Variants in ACLY observed in about 807,000 individuals in gnomAD.
ACLY encodes ATP citrate lyase.
Under a neutral mutation model 133.0 loss-of-function variants are expected in ACLY, and 41 were observed. That is an observed-to-expected ratio of 0.31 (90% confidence interval 0.24 to 0.40). ACLY has a LOEUF of 0.40. ACLY is among the 10% of genes least tolerant of loss of function. The pLI, the probability that ACLY is intolerant of heterozygous loss-of-function variation, is 1.00. For missense variants in ACLY, 1,046 were observed against 1,453.8 expected (o/e 0.72, Z 4.56); for synonymous variants, 495 against 549.3 (o/e 0.90, Z 1.38).
In ACLY at chr17:41,878,216, A is replaced by G; in HGVS notation, c.2394-20T>C. 2 of 1,529,946 alleles carry G rather than the reference A, an allele frequency of 1.3e-6. No individual in the cohort carries two copies. The highest frequency in any genetic ancestry group is 2.1e-5 in the Admixed American group (1 of 47,692). The allele number at this position is 1,529,946 out of a possible 1,614,324, so 94.8% of individuals were successfully genotyped here. On this transcript the variant is annotated intron_variant, in intron 21 of 28. Coordinates refer to ENST00000352035, the MANE Select transcript of ACLY (RefSeq NM_001096.3). ...ACAGACCTGGGAGGCAGGAAAAAAAAGACATCCATGTGGATTTTCTTATTT... is the reference window on the plus strand; with the variant it reads ...ACAGACCTGGGAGGCAGGAAAAAAAGGACATCCATGTGGATTTTCTTATTT...
chr17:41,873,175 C>CT (rs529319940), intron 23 of ACLY, among the ~76,000 whole-genome samples: 3,236 of 134,336 alleles, frequency 0.024, 49 homozygotes, highest in Non-Finnish European at 0.032. Context: ...ACACAAGGTA[C>CT]TTTTTTTTTT....
At chr17:41,886,351 A>C (rs1329056068) in intron 17 of ACLY, 43 bp from the exon 18 acceptor site, 2 of 1,545,076 alleles carry the variant, frequency 1.3e-6, no homozygotes, top group Non-Finnish European at 1.8e-6. Context: ...GGTGACTTCC[A>C]GATTCACCAC....
At chr17:41,889,181 T>C (rs1016896029) in intron 16 of ACLY, among the ~76,000 whole-genome samples, 2 of 152,068 alleles carry the variant, frequency 1.3e-5, no homozygotes, top group African/African-American at 4.8e-5. Context: ...GGTGATGTGC[T>C]AGGTTTTGCC....
At position 41,924,144 on chromosome 17, in the gene ACLY, TTTTA is replaced by T. The variant is rs527709107; in HGVS notation, c.-28+6210_-28+6213del. On this transcript the variant is annotated intron_variant, in intron 1 of 3. Transcript: ENST00000592970. ...ATTTTTTTCTTTTTATTTATTTATT[TTTTA>T]TTTATTTATTTTTTGAGACTGAGTC... 3.5e-3 allele frequency among the ~76,000 whole-genome samples: 521 copies of T among 150,088 alleles called. 6 individuals are homozygous for T. Among genetic ancestry groups the T allele is most frequent in the African/African-American group, 0.012 (502 of 40,730 alleles).
intron 23 of ACLY, among the ~76,000 whole-genome samples, 174 bp downstream of exon 23, chr17:41,873,637 T>C (rs1183068010): frequency 6.6e-6 from 1 of 152,220 alleles, no homozygotes; most frequent in Non-Finnish European, 1.5e-5. Context: ...TTTCTGTCCT[T>C]GGAAGACTTA....
intron 18 of ACLY, 97 bp downstream of exon 18, chr17:41,886,015 A>T (rs1339213197): frequency 4.1e-6 from 5 of 1,225,420 alleles, no homozygotes; most frequent in Admixed American, 1.8e-5. Context: ...GCGGGCCTGG[A>T]ACTCAGGGGC....
intron 20 of ACLY, among the ~76,000 whole-genome samples, chr17:41,881,471 C>A (rs1301637553): frequency 6.8e-6 from 1 of 147,536 alleles, no homozygotes; most frequent in Non-Finnish European, 1.5e-5. Flanking sequence ...ATGGAATAAG[C>A]GGACTGACAA....
Position 41,905,712 on chromosome 17 carries a change from C to T in ACLY, c.867-54G>A, listed in dbSNP as rs533786248. 34 of 1,610,488 alleles carry T rather than the reference C, an allele frequency of 2.1e-5. 2 individuals are homozygous for T. The South Asian group carries it at 2.5e-4, about 12-fold the overall frequency. ...CTCTCACACTTGGGGCAGGGAGTGG[C>T]AGCCTGGTGCCTGGGAGGACACACG... On this transcript the variant is annotated intron_variant, in intron 8 of 28. Coordinates refer to ENST00000352035, the MANE Select transcript of ACLY (RefSeq NM_001096.3).
chr17:41,929,083 CAT>C (rs1309610457), intron 1 of ACLY, among the ~76,000 whole-genome samples: 5 of 149,768 alleles, frequency 3.3e-5, no homozygotes, highest in Admixed American at 6.7e-5. Context: ...AGCCTTTGCA[CAT>C]GTTATTTCCT....
intron 22 of ACLY, among the ~76,000 whole-genome samples, chr17:41,875,406 C>CCTCCCT (rs1296087657): frequency 1.4e-5 from 2 of 142,938 alleles, no homozygotes; most frequent in Non-Finnish European, 1.5e-5. Context: ...GGGGAGCCCC[C>CCTCCCT]CTCCCTCTCC....
chr17:41,905,489 G>A, intron 9 of ACLY, 33 bp downstream of exon 9: 1 of 1,613,816 alleles, frequency 6.2e-7, no homozygotes, highest in Non-Finnish European at 8.5e-7. Context: ...CTGGGGAAGT[G>A]GGGACAGGTA....
chr17:41,870,723 C>G (rs1555624869), intron 25 of ACLY: 1 of 152,230 alleles, frequency 6.6e-6, no homozygotes, highest in East Asian at 1.9e-4. Flanking sequence ...TCCCACTGGT[C>G]TCTCCCAATC....
rs371462378 is a variant in ACLY at position 41,874,994 on chromosome 17, G to A, written c.2488-1029C>T. On this transcript the variant is annotated intron_variant, in intron 22 of 28. Coordinates refer to ENST00000352035, the MANE Select transcript of ACLY (RefSeq NM_001096.3). ...CCCAAGGTCACCTGGGTAAGAAATG[G>A]TAAAATGAATCCAAAGGGAAAATCT... is the stretch of plus-strand genomic sequence containing the variant. Among the ~76,000 whole-genome samples, 185 of 151,284 alleles carry A rather than the reference G, an allele frequency of 1.2e-3. 1 individual carries two copies. Among genetic ancestry groups the A allele is most frequent in the African/African-American group, 4.4e-3 (180 of 41,214 alleles).
chr17:41,873,731 T>C, intron 23 of ACLY, 80 bp downstream of exon 23: 1 of 1,452,686 alleles, frequency 6.9e-7, no homozygotes, highest in Non-Finnish European at 9.1e-7. Context: ...CCCAGGCCTG[T>C]CCACTCCCAC....
intron 1 of ACLY, among the ~76,000 whole-genome samples, chr17:41,914,287 C>T (rs1160453957): frequency 6.6e-6 from 1 of 152,108 alleles, no homozygotes; most frequent in Non-Finnish European, 1.5e-5. Context: ...GAGTGCTGGT[C>T]CCATCTGAGG....
intron 6 of ACLY, 93 bp from the exon 7 acceptor site, chr17:41,907,665 G>T: frequency 7.1e-7 from 1 of 1,401,666 alleles, no homozygotes. Flanking sequence ...ATCCCATGGT[G>T]GCCCATTCAG....
At chr17:41,877,088 TAC>T (rs1292688427) in intron 22 of ACLY, among the ~76,000 whole-genome samples, 2 of 152,204 alleles carry the variant, frequency 1.3e-5, no homozygotes, top group African/African-American at 4.8e-5. Flanking sequence ...TAAAATGCTT[TAC>T]AGTTACATTT....
chr17:41,906,451 C>T, intron 8 of ACLY, 77 bp downstream of exon 8: 1 of 1,309,884 alleles, frequency 7.6e-7, no homozygotes, highest in South Asian at 1.2e-5. Flanking sequence ...GTGACAGGAC[C>T]CCACCCACCC....
intron 9 of ACLY, among the ~76,000 whole-genome samples, chr17:41,905,309 A>G (rs4796738): frequency 0.88 from 134,665 of 152,204 alleles, 59,925 homozygotes; most frequent in East Asian, 1. Flanking sequence ...ATCACACATC[A>G]CCTCTTGCCC....
Sources: allele counts gnomAD v4.1 joint callset (sites outside exome capture counted in the v4.1 genomes callset), GRCh38; gene constraint gnomAD v4.1.1; transcripts MANE v1.5; gene names NCBI Gene and HGNC (gene_info 2026-07-23, HGNC 2026-07-21).